Variants in CCDC138 observed in about 807,000 individuals in gnomAD.
CCDC138 encodes coiled-coil domain-containing protein 138.
A neutral mutation model predicts 82.3 loss-of-function variants in CCDC138; 66 were observed. That is an observed-to-expected ratio of 0.80 (90% CI 0.66 to 0.98). The LOEUF (loss-of-function observed/expected upper bound fraction) is 0.98, where lower values mean the gene tolerates loss of function less well. Among genes scored for constraint, CCDC138 ranks in the 50% least tolerant of loss-of-function variants. CCDC138 has a pLI of 0.00. For synonymous variants in CCDC138, 297 were observed against 265.4 expected (o/e 1.12, Z -1.16); for missense variants, 816 against 758.9 (o/e 1.08, Z -0.88).
chr2:108,873,982 A>G (rs1695655404), intron 14 of CCDC138, among the ~76,000 whole-genome samples: 1 of 152,190 alleles, frequency 6.6e-6, no homozygotes, highest in African/African-American at 2.4e-5. Context: ...CTAAGACCAC[A>G]TATTTAGTGA....
intron 12 of CCDC138, among the ~76,000 whole-genome samples, chr2:108,850,929 C>T (rs933998279): frequency 2.6e-5 from 4 of 152,146 alleles, no homozygotes; most frequent in African/African-American, 7.2e-5. Flanking sequence ...ACTTCTGACA[C>T]GATCCACCTG....
chr2:108,790,245 G>T (rs1052916039), intron 3 of CCDC138, among the ~76,000 whole-genome samples: 8 of 152,128 alleles, frequency 5.3e-5, no homozygotes, highest in African/African-American at 1.9e-4. Flanking sequence ...GGTAAGGAAA[G>T]TGAAAATTGC....
intron 11 of CCDC138, among the ~76,000 whole-genome samples, chr2:108,843,876 G>GTGTT (rs1553424756): frequency 1.7e-3 from 24 of 13,836 alleles, no homozygotes; most frequent in African/African-American, 2.1e-3. Context: ...GTGTGTGTGT[G>GTGTT]TGTTTCTTTC....
chr2:108,802,813 TA>T (rs921554229), intron 6 of CCDC138, among the ~76,000 whole-genome samples: 4 of 152,254 alleles, frequency 2.6e-5, no homozygotes, highest in African/African-American at 9.6e-5. Flanking sequence ...CATCAATACC[TA>T]ATTTATTGAG....
chr2:108,808,912 A>G (rs905164745), intron 7 of CCDC138, among the ~76,000 whole-genome samples: 3 of 151,910 alleles, frequency 2.0e-5, no homozygotes, highest in African/African-American at 4.8e-5. Flanking sequence ...GTCGTGAACT[A>G]TTTCCCATTT....
intron 8 of CCDC138, 26 bp downstream of exon 8, chr2:108,812,734 A>G: frequency 6.2e-7 from 1 of 1,607,276 alleles, no homozygotes; most frequent in Non-Finnish European, 8.5e-7. Flanking sequence ...TTCTCTACAG[A>G]CAGAAGTATG....
downstream of CCDC138, among the ~76,000 whole-genome samples, chr2:108,877,491 A>G (rs1052163004): frequency 7.2e-5 from 11 of 152,014 alleles, no homozygotes; most frequent in Non-Finnish European, 1.5e-4. Flanking sequence ...AATAAATAAA[A>G]TAAAAACGCA....
At chr2:108,827,644 G>A (rs559888620) in intron 10 of CCDC138, among the ~76,000 whole-genome samples, 190 of 151,920 alleles carry the variant, frequency 1.3e-3, no homozygotes, top group African/African-American at 4.4e-3. Flanking sequence ...GTGAAACCCC[G>A]TCTCTACTAA....
At position 108,786,806 on chromosome 2, in the gene CCDC138, T is replaced by C. The variant is rs1019823127; in HGVS notation, c.-17T>C. The C allele has an allele frequency of 5.1e-6, 8 of 1,578,016 alleles. No homozygotes were observed. Among genetic ancestry groups the C allele is most frequent in the Non-Finnish European group, 6.9e-6 (8 of 1,162,288 alleles). On this transcript the variant is annotated 5_prime_UTR_variant, in exon 1 of 15. Coordinates refer to ENST00000295124, the MANE Select transcript of CCDC138 (RefSeq NM_144978.3). ...TGAACGCGGTTCCCGGGGAGACTGGTACGGTTGCTGTGTGCTATGGAGCCG... is the reference window on the plus strand; with the variant it reads ...TGAACGCGGTTCCCGGGGAGACTGGCACGGTTGCTGTGTGCTATGGAGCCG...
At chr2:108,868,561 C>A (rs957553914) in intron 13 of CCDC138, among the ~76,000 whole-genome samples, 3 of 152,198 alleles carry the variant, frequency 2.0e-5, no homozygotes, top group Admixed American at 1.3e-4. Context: ...TAAAAACTTT[C>A]TCCTCCAGCC....
intron 6 of CCDC138, among the ~76,000 whole-genome samples, chr2:108,799,258 A>G (rs1413788548): frequency 6.6e-6 from 1 of 152,218 alleles, no homozygotes; most frequent in Admixed American, 6.5e-5. Flanking sequence ...TGGCAAGGAT[A>G]TTGTATAGGT....
At chr2:108,791,974 G>C (rs1341269080) in intron 4 of CCDC138, among the ~76,000 whole-genome samples, 172 bp downstream of exon 4, 1 of 152,152 alleles carries the variant, frequency 6.6e-6, no homozygotes, top group Non-Finnish European at 1.5e-5. Context: ...TAAAGGAGCA[G>C]AGAAAATTAA....
chr2:108,797,470 T>C (rs1681094892), intron 5 of CCDC138, among the ~76,000 whole-genome samples: 1 of 152,050 alleles, frequency 6.6e-6, no homozygotes, highest in South Asian at 2.1e-4. Context: ...CAGTCTTAAG[T>C]GAGTTGAGGA....
At position 108,788,018 on chromosome 2, in the gene CCDC138, CTTT is replaced by C. The variant is rs5833305; in HGVS notation, c.94-5_94-3del. 2 of 1,260,190 alleles carry C rather than the reference CTTT, an allele frequency of 1.6e-6. No homozygotes were observed. Among genetic ancestry groups the C allele is most frequent in the African/African-American group, 3.1e-5 (2 of 63,524 alleles). The allele number at this position is 1,260,190 out of a possible 1,614,324, so 78.1% of individuals were successfully genotyped here. A position where few individuals can be genotyped will look rare whatever the true frequency, so the allele number is the denominator to read the frequency against. On this transcript the variant is annotated splice_polypyrimidine_tract_variant and intron_variant, in intron 1 of 14. Transcript: ENST00000295124. ...TTTTAGTATACAAATTAAATCTTTT[CTTT>C]TTTTTTTTAGTATGATTTTTCAAAT... is the stretch of plus-strand genomic sequence containing the variant.
chr2:108,804,434 G>C (rs758352008), intron 6 of CCDC138, among the ~76,000 whole-genome samples: 35 of 152,040 alleles, frequency 2.3e-4, no homozygotes, highest in Non-Finnish European at 4.1e-4. Flanking sequence ...TGCTTTATGA[G>C]GACAAGAAAT....
chr2:108,872,360 G>A lies in CCDC138; in HGVS notation c.1694-1091G>A, dbSNP rs567677399. 3.3e-5 allele frequency among the ~76,000 whole-genome samples: 5 copies of A among 152,036 alleles called. No individual in the cohort carries two copies. The South Asian group carries it at 8.3e-4, about 25-fold the overall frequency. On this transcript the variant is annotated intron_variant, in intron 13 of 14. Transcript: ENST00000295124. ...TTCCACCACCACATACACATACCTC[G>A]GTAAATTATGTTTAGACCATGCTTT...
chr2:108,788,085 C>G lies in CCDC138; in HGVS notation c.147C>G (p.Ser49=), dbSNP rs1054768267. ...AGTATAAGAGAAGAACTCTAACCTC[C>G]CCAGGTAAGCCGGTATTTTGTATAT... ...QSKYKRRTLT[S]PGDLDIYSGD... is the part of the protein sequence containing the mutation. Residue 49 remains serine (S), a synonymous_variant, in exon 2 of 15, where the codon TCC becomes TCG. Transcript: ENST00000295124. The G allele has an allele frequency of 3.1e-6, 5 of 1,601,084 alleles. No individual in the cohort carries two copies. The African/African-American group carries it at 6.8e-5, about 22-fold the overall frequency.
intron 5 of CCDC138, among the ~76,000 whole-genome samples, chr2:108,796,666 A>G (rs189768884): frequency 2.0e-5 from 3 of 152,334 alleles, no homozygotes; most frequent in African/African-American, 7.2e-5. Context: ...CTTATCATTG[A>G]CAGCAGCATA....
intron 3 of CCDC138, among the ~76,000 whole-genome samples, chr2:108,791,010 C>T (rs1186434421): frequency 6.6e-6 from 1 of 152,138 alleles, no homozygotes; most frequent in East Asian, 1.9e-4. Context: ...GATACTCCCA[C>T]TTCGGCCTCC....
Sources: gnomAD v4.1 joint callset for allele counts (sites outside exome capture counted in the v4.1 genomes callset) on GRCh38, gnomAD v4.1.1 for gene constraint, MANE v1.5 for transcripts, NCBI Gene and HGNC (gene_info 2026-07-23, HGNC 2026-07-21) for gene names.